Variants in TYW1B observed in about 807,000 individuals in gnomAD.
The protein encoded by TYW1B is S-adenosyl-L-methionine-dependent tRNA 4-demethylwyosine synthase TYW1B.
A neutral mutation model predicts 86.9 loss-of-function variants in TYW1B; 73 were observed. The ratio of observed to expected loss-of-function variants is 0.84; its 90% CI spans 0.70 to 1.02. The LOEUF (loss-of-function observed/expected upper bound fraction) is 1.02, where lower values mean the gene tolerates loss of function less well. Ranked by LOEUF, TYW1B falls within the 50% of genes least tolerant of loss-of-function variation. The pLI is 0.00. For missense variants in TYW1B, 637 were observed against 827.4 expected, an observed-to-expected ratio of 0.77 and a Z score of 2.82; for synonymous variants, 248 against 292.8, an observed-to-expected ratio of 0.85 and a Z score of 1.56.
rs549679118 is a variant in TYW1B, at chr7:72,611,102, CT to C, written c.1785+5569del. Among the ~76,000 whole-genome samples, 7 of 152,142 alleles carry C rather than the reference CT, an allele frequency of 4.6e-5. No individual in the cohort carries two copies. In the South Asian group the frequency reaches 1.5e-3, roughly 32 times the overall value. On this transcript the variant is annotated intron_variant, in intron 13 of 13. Transcript: ENST00000620995. The stretch of plus-strand genomic sequence containing the variant: ...CTTTGGACCTCTGCTTGTTCTGTTT[CT>C]GCTTAAATGTTTTTCCTACTTCAGC...
intron 2 of TYW1B, among the ~76,000 whole-genome samples, chr7:72,818,571 T>C (rs1586008937): frequency 2.2e-5 from 2 of 92,448 alleles, no homozygotes; most frequent in Admixed American, 1.8e-4. Context: ...TAAGCGAGAC[T>C]CCATCTCAAA....
intron 11 of TYW1B, among the ~76,000 whole-genome samples, chr7:72,656,253 C>T (rs576798242): frequency 6.6e-6 from 1 of 152,300 alleles, no homozygotes; most frequent in Admixed American, 6.5e-5. Flanking sequence ...TACACTGCTG[C>T]ACCCACCCAG....
At chr7:72,787,270 T>G (rs1440682152) in intron 6 of TYW1B, among the ~76,000 whole-genome samples, 1 of 151,536 alleles carries the variant, frequency 6.6e-6, no homozygotes, top group Admixed American at 6.6e-5. Context: ...AAAATCACCC[T>G]GGCCAACATG....
intron 10 of TYW1B, among the ~76,000 whole-genome samples, chr7:72,711,308 G>A (rs1554454720): frequency 6.6e-6 from 1 of 152,064 alleles, no homozygotes; most frequent in African/African-American, 2.4e-5. Context: ...AAGAGACACA[G>A]AAGCAGTCCA....
chr7:72,775,846 T>G (rs1469850039), intron 7 of TYW1B, among the ~76,000 whole-genome samples: 2 of 152,188 alleles, frequency 1.3e-5, no homozygotes, highest in Non-Finnish European at 2.9e-5. Flanking sequence ...AAATGGTAAC[T>G]ACATAAAGTA....
At chr7:72,628,652 T>C (rs1812410500) in intron 12 of TYW1B, among the ~76,000 whole-genome samples, 1 of 152,084 alleles carries the variant, frequency 6.6e-6, no homozygotes, top group African/African-American at 2.4e-5. Context: ...GGACTGTCCA[T>C]CCTCCCACTA....
intron 13 of TYW1B, 103 bp from the exon 14 acceptor site, chr7:72,575,822 C>A: frequency 1.3e-6 from 2 of 1,517,296 alleles, no homozygotes; most frequent in Non-Finnish European, 1.8e-6. Context: ...TTCTCCCTAT[C>A]ACGCCAAGAA....
chr7:72,625,900 G>T (rs1435510041), intron 12 of TYW1B, among the ~76,000 whole-genome samples: 1 of 81,556 alleles, frequency 1.2e-5, no homozygotes, highest in Non-Finnish European at 2.7e-5. Context: ...GTGGGGCGGG[G>T]GGGGGGGAAG....
At chr7:72,648,140 G>A (rs1812974326) in intron 11 of TYW1B, among the ~76,000 whole-genome samples, 1 of 152,158 alleles carries the variant, frequency 6.6e-6, no homozygotes, top group African/African-American at 2.4e-5. Context: ...CAGAAAACAT[G>A]TATACATATA....
rs1468598719 is a variant in TYW1B at position 72,772,974 on chromosome 7, A to G, written c.964+4442T>C. ...TAAATAAACAAAGGACTGCTTATAT[A>G]TTCGAAGGTGGAACTGAGTCCAACT... On this transcript the variant is annotated intron_variant, in intron 7 of 13. Coordinates refer to ENST00000620995, the MANE Select transcript of TYW1B (RefSeq NM_001145440.3). Among the ~76,000 whole-genome samples, 3 of 152,338 alleles carry G rather than the reference A, an allele frequency of 2.0e-5. No individual in the cohort carries two copies. The East Asian group carries it at 5.8e-4, about 29-fold the overall frequency.
chr7:72,715,352 G>A (rs1786758862), intron 9 of TYW1B, among the ~76,000 whole-genome samples: 1 of 152,178 alleles, frequency 6.6e-6, no homozygotes, highest in African/African-American at 2.4e-5. Context: ...TCTCTGGGGA[G>A]GGGCCTCGTG....
At chr7:72,581,660 T>C (rs531971520) in intron 13 of TYW1B, among the ~76,000 whole-genome samples, 24 of 152,166 alleles carry the variant, frequency 1.6e-4, no homozygotes, top group African/African-American at 5.5e-4. Flanking sequence ...AGTTGCACCA[T>C]GTTGGCCAGG....
At chr7:72,684,101 T>C (rs1402626091) in intron 11 of TYW1B, among the ~76,000 whole-genome samples, 1 of 152,028 alleles carries the variant, frequency 6.6e-6, no homozygotes, top group Non-Finnish European at 1.5e-5. Flanking sequence ...ACAAAGGGTG[T>C]AATGTATGTG....
chr7:72,815,353 T>A lies in TYW1B; in HGVS notation c.237+27A>T, dbSNP rs782185023. 52 of 1,559,308 alleles carry A rather than the reference T, an allele frequency of 3.3e-5. No individual in the cohort carries two copies. The East Asian group carries it at 1.2e-3, about 35-fold the overall frequency. ...GCAGATCAGTTAAATTTGAGAGTTT[T>A]GATTGAAGAAAAAGACAATTACCAA... On this transcript the variant is annotated intron_variant, in intron 3 of 13. Coordinates refer to ENST00000620995, the MANE Select transcript of TYW1B (RefSeq NM_001145440.3).
intron 8 of TYW1B, among the ~76,000 whole-genome samples, chr7:72,740,733 C>CTT (rs71071910): frequency 0.025 from 3,402 of 137,336 alleles, 80 homozygotes; most frequent in Non-Finnish European, 0.038. Context: ...ATGCAGTTTT[C>CTT]TTTTTTTTTT....
intron 11 of TYW1B, among the ~76,000 whole-genome samples, chr7:72,652,155 A>T (rs1275929353): frequency 6.6e-6 from 1 of 152,086 alleles, no homozygotes; most frequent in African/African-American, 2.4e-5. Context: ...AGGCAGGCGG[A>T]TCACGAGGTC....
chr7:72,648,112 C>T (rs1812973457), intron 11 of TYW1B, among the ~76,000 whole-genome samples: 1 of 152,082 alleles, frequency 6.6e-6, no homozygotes, highest in Non-Finnish European at 1.5e-5. Flanking sequence ...GAAAGAAATA[C>T]AACAAAAGTT....
intron 7 of TYW1B, among the ~76,000 whole-genome samples, chr7:72,768,051 A>C (rs1295518849): frequency 6.6e-6 from 1 of 152,086 alleles, no homozygotes; most frequent in East Asian, 1.9e-4. Flanking sequence ...AGAGTTCAAA[A>C]CCAGCATGGG....
At chr7:72,807,668 G>T in intron 4 of TYW1B, among the ~76,000 whole-genome samples, 1 of 152,058 alleles carries the variant, frequency 6.6e-6, no homozygotes, top group East Asian at 1.9e-4. Flanking sequence ...ATCATGATAA[G>T]AACAAAACAG....
Sources: gnomAD v4.1 joint callset for allele counts (sites outside exome capture counted in the v4.1 genomes callset) on GRCh38, gnomAD v4.1.1 for gene constraint, MANE v1.5 for transcripts, NCBI Gene and HGNC (gene_info 2026-07-23, HGNC 2026-07-21) for gene names.